The following ST8SIA1 variants were observed in gnomAD, a reference collection of about 807,000 sequenced individuals.
The protein encoded by ST8SIA1 is ST8 alpha-N-acetyl-neuraminide alpha-2,8-sialyltransferase 1, also known as alpha-N-acetylneuraminide alpha-2,8-sialyltransferase.
In ST8SIA1, 16 loss-of-function variants were observed where a neutral mutation model predicts 35.9. The observed-to-expected ratio is 0.45, with a 90% CI of 0.30 to 0.68. The LOEUF is 0.68. Ranked by LOEUF, ST8SIA1 falls within the 30% of genes least tolerant of loss-of-function variation. The probability of loss-of-function intolerance (pLI) is 0.09; values close to 1 mark genes in which losing one functional copy is unlikely to be tolerated. For synonymous variants in ST8SIA1, 170 were observed against 169.6 expected, an observed-to-expected ratio of 1.00 and a Z score of -0.02; for missense variants, 383 against 453.6, an observed-to-expected ratio of 0.84 and a Z score of 1.41.
intron 4 of ST8SIA1, among the ~76,000 whole-genome samples, chr12:22,209,978 G>C (rs1865160055): frequency 6.6e-6 from 1 of 152,162 alleles, no homozygotes; most frequent in African/African-American, 2.4e-5. Flanking sequence ...GTGGCATTAA[G>C]TAAATATCCA....
chr12:22,231,234 T>G (rs185478646), intron 4 of ST8SIA1, among the ~76,000 whole-genome samples: 78 of 151,262 alleles, frequency 5.2e-4, no homozygotes, highest in Non-Finnish European at 7.8e-4. Context: ...TGAACAATGT[T>G]GCACGTGATT....
chr12:22,213,483 T>C (rs1474270448), intron 4 of ST8SIA1, among the ~76,000 whole-genome samples: 1 of 152,158 alleles, frequency 6.6e-6, no homozygotes, highest in Non-Finnish European at 1.5e-5. Flanking sequence ...AGGGCAGGCC[T>C]TTCAGATATG....
intron 3 of ST8SIA1, 33 bp from the exon 4 acceptor site, chr12:22,249,131 T>C: frequency 2.2e-6 from 3 of 1,394,670 alleles, no homozygotes; most frequent in Non-Finnish European, 3.1e-6. Flanking sequence ...TTTGGAACAA[T>C]TTGCATAGTT....
chr12:22,302,327 C>A (rs1370123471), intron 1 of ST8SIA1, among the ~76,000 whole-genome samples: 1 of 152,140 alleles, frequency 6.6e-6, no homozygotes, highest in South Asian at 2.1e-4. Context: ...ATTTAGACAA[C>A]TTAAATAAAC....
chr12:22,247,302 C>T (rs918084563), intron 4 of ST8SIA1, among the ~76,000 whole-genome samples: 2 of 152,160 alleles, frequency 1.3e-5, no homozygotes, highest in African/African-American at 2.4e-5. Context: ...AACATGTGTT[C>T]CTTCTTAAAA....
chr12:22,283,484 C>A (rs1196280567), intron 2 of ST8SIA1, among the ~76,000 whole-genome samples: 2 of 151,992 alleles, frequency 1.3e-5, no homozygotes, highest in African/African-American at 4.8e-5. Flanking sequence ...TGGTCCCAAC[C>A]CAGGGGATTG....
chr12:22,240,629 A>G (rs1020047544), intron 4 of ST8SIA1, among the ~76,000 whole-genome samples: 11 of 152,178 alleles, frequency 7.2e-5, no homozygotes, highest in Admixed American at 5.9e-4. Flanking sequence ...GTTGTACACA[A>G]TTTTAAAGAT....
intron 4 of ST8SIA1, among the ~76,000 whole-genome samples, chr12:22,233,587 C>T (rs1865441836): frequency 6.6e-6 from 1 of 151,976 alleles, no homozygotes; most frequent in Non-Finnish European, 1.5e-5. Flanking sequence ...TCTCTTCTCT[C>T]GCAGTAAAAC....
At chr12:22,333,392 AAGATG>A (rs1312450557) in intron 1 of ST8SIA1, among the ~76,000 whole-genome samples, 1 of 152,240 alleles carries the variant, frequency 6.6e-6, no homozygotes, top group East Asian at 1.9e-4. Context: ...TGTGGTCAAC[AAGATG>A]AGATAATAAT....
intron 2 of ST8SIA1, among the ~76,000 whole-genome samples, chr12:22,258,246 C>A (rs547656051): frequency 6.6e-6 from 1 of 152,206 alleles, no homozygotes; most frequent in East Asian, 1.9e-4. Context: ...GAGCAGGTTT[C>A]TGGGGAACGA....
chr12:22,242,224 T>C (rs1865549114), intron 4 of ST8SIA1, among the ~76,000 whole-genome samples: 1 of 152,166 alleles, frequency 6.6e-6, no homozygotes, highest in African/African-American at 2.4e-5. Flanking sequence ...CAGTTCCCCA[T>C]ACTGTATATG....
chr12:22,224,728 CAAAT>C (rs1865336731), intron 4 of ST8SIA1, among the ~76,000 whole-genome samples: 1 of 152,110 alleles, frequency 6.6e-6, no homozygotes, highest in African/African-American at 2.4e-5. Context: ...ATCCTCAAGA[CAAAT>C]AAGTATTCAC....
intron 4 of ST8SIA1, 40 bp downstream of exon 4, chr12:22,248,966 T>C (rs1006226687): frequency 6.8e-7 from 1 of 1,467,926 alleles, no homozygotes; most frequent in Non-Finnish European, 9.5e-7. Context: ...TGAGAAGACT[T>C]CATCTTCGTT....
chr12:22,206,672 C>A (rs1338338642), intron 4 of ST8SIA1, among the ~76,000 whole-genome samples: 1 of 152,172 alleles, frequency 6.6e-6, no homozygotes, highest in Non-Finnish European at 1.5e-5. Context: ...GAGAAAGCAA[C>A]GTTGCCACCA....
intron 4 of ST8SIA1, among the ~76,000 whole-genome samples, chr12:22,243,750 G>T (rs1865566494): frequency 6.6e-6 from 1 of 152,142 alleles, no homozygotes; most frequent in Middle Eastern, 3.2e-3. Flanking sequence ...TATTTTTATT[G>T]GCCGGGTGCA....
At chr12:22,321,037 A>G (rs1866593026) in intron 1 of ST8SIA1, among the ~76,000 whole-genome samples, 1 of 69,268 alleles carries the variant, frequency 1.4e-5, no homozygotes, top group Non-Finnish European at 3.4e-5. Context: ...AAAGAAAGAG[A>G]AAGAGAAAGA....
intron 1 of ST8SIA1, chr12:22,325,596 A>G (rs923913957): frequency 1.4e-5 from 9 of 650,186 alleles, no homozygotes; most frequent in African/African-American, 1.1e-4. Flanking sequence ...GAAACTAGGA[A>G]TCTCCTCTTA....
At chr12:22,319,055 C>G (rs1285315582) in intron 1 of ST8SIA1, among the ~76,000 whole-genome samples, 1 of 152,208 alleles carries the variant, frequency 6.6e-6, no homozygotes, top group African/African-American at 2.4e-5. Flanking sequence ...TAGCTCTGGG[C>G]ATTACTGACT....
chr12:22,247,082 CCCT>C (rs1028572987), intron 4 of ST8SIA1, among the ~76,000 whole-genome samples: 1 of 144,774 alleles, frequency 6.9e-6, no homozygotes, highest in Non-Finnish European at 1.5e-5. Flanking sequence ...CTCCCTCCCT[CCCT>C]CATCTCCTTC....
Sources: allele counts gnomAD v4.1 joint callset (sites outside exome capture counted in the v4.1 genomes callset), GRCh38; gene constraint gnomAD v4.1.1; transcripts MANE v1.5; gene names NCBI Gene and HGNC (gene_info 2026-07-23, HGNC 2026-07-21).